Variants in RBFOX3 observed in about 807,000 individuals in gnomAD.
RBFOX3 encodes RNA binding protein fox-1 homolog 3.
RBFOX3 carries 17 observed loss-of-function variants against 48.7 expected under a neutral mutation model. The observed-to-expected ratio is 0.35, with a 90% CI of 0.24 to 0.52. The LOEUF (loss-of-function observed/expected upper bound fraction) is 0.52, where lower values mean the gene tolerates loss of function less well. Ranked by LOEUF, RBFOX3 falls within the 20% of genes least tolerant of loss-of-function variation. The pLI is 0.94. For missense variants in RBFOX3, 382 were observed against 497.5 expected (o/e 0.77, Z 2.21); for synonymous variants, 212 against 209.5 (o/e 1.01, Z -0.10).
chr17:79,459,072 C>T (rs1184391289), intron 2 of RBFOX3, among the ~76,000 whole-genome samples: 5 of 152,218 alleles, frequency 3.3e-5, no homozygotes, highest in African/African-American at 1.2e-4. Flanking sequence ...CCAGACCTGA[C>T]CAGCTCTGCA....
chr17:79,401,244 G>A (rs1413363302), intron 2 of RBFOX3, among the ~76,000 whole-genome samples: 4 of 152,198 alleles, frequency 2.6e-5, no homozygotes, highest in South Asian at 2.1e-4. Context: ...CCAGCTTCTC[G>A]GAAAGGAGCC....
chr17:79,452,460 G>A (rs1184193812), intron 2 of RBFOX3, among the ~76,000 whole-genome samples: 3 of 152,218 alleles, frequency 2.0e-5, no homozygotes, highest in African/African-American at 7.2e-5. Context: ...AGACATGGAC[G>A]TGGTTTATGA....
chr17:79,579,010 A>G lies in RBFOX3; in HGVS notation c.-320+31816T>C, dbSNP rs1006593560. On this transcript the variant is annotated intron_variant, in intron 1 of 14. Coordinates refer to ENST00000693108, the MANE Select transcript of RBFOX3 (RefSeq NM_001350451.2). ...TTCAGACTCAGCCTCCTGCCCCCTC[A>G]ACGTCCTGAGCATCGTGCTTGGTCC... Among the ~76,000 whole-genome samples the G allele has an allele frequency of 8.4e-4, 128 of 152,238 alleles. 1 individual carries two copies. The highest frequency in any genetic ancestry group is 5.4e-3 in the Admixed American group (83 of 15,302).
At chr17:79,451,143 C>G (rs782722110) in intron 2 of RBFOX3, among the ~76,000 whole-genome samples, 1 of 151,754 alleles carries the variant, frequency 6.6e-6, no homozygotes, top group Non-Finnish European at 1.5e-5. Flanking sequence ...AATTTGCTAT[C>G]GAAAGGCACA....
chr17:79,536,298 T>C lies in RBFOX3; in HGVS notation c.-319-53700A>G, dbSNP rs183055923. Among the ~76,000 whole-genome samples the C allele has an allele frequency of 1.4e-3, 218 of 152,290 alleles. 3 individuals are homozygous for C. In the Middle Eastern group the frequency reaches 0.024, roughly 17 times the overall value. Reference sequence around the variant, plus strand: ...TCACCATGTGGGCCAGGCTGAACTTTTGACCTCAAATGATCCACCTGCCTC... The same window carrying C: ...TCACCATGTGGGCCAGGCTGAACTTCTGACCTCAAATGATCCACCTGCCTC... On this transcript the variant is annotated intron_variant, in intron 1 of 14. Coordinates refer to ENST00000693108, the MANE Select transcript of RBFOX3 (RefSeq NM_001350451.2).
intron 3 of RBFOX3, among the ~76,000 whole-genome samples, chr17:79,302,998 G>A (rs1214086892): frequency 6.6e-6 from 1 of 152,172 alleles, no homozygotes; most frequent in African/African-American, 2.4e-5. Flanking sequence ...GAGCCCGGGA[G>A]TTTGAGGCTG....
chr17:79,430,287 A>AATAAATAT (rs1282383443), intron 2 of RBFOX3, among the ~76,000 whole-genome samples: 1 of 151,298 alleles, frequency 6.6e-6, no homozygotes, highest in Non-Finnish European at 1.5e-5. Flanking sequence ...TAAATAAATA[A>AATAAATAT]ATAAATAAAT....
chr17:79,269,311 A>T (rs926550344), intron 3 of RBFOX3, among the ~76,000 whole-genome samples: 1 of 152,128 alleles, frequency 6.6e-6, no homozygotes, highest in Admixed American at 6.5e-5. Flanking sequence ...TGGCCTCCAG[A>T]ACTGGGAGAG....
At chr17:79,284,597 T>C (rs538826532) in intron 3 of RBFOX3, among the ~76,000 whole-genome samples, 1 of 146,866 alleles carries the variant, frequency 6.8e-6, no homozygotes, top group South Asian at 2.2e-4. Flanking sequence ...TAGAGTGTAG[T>C]GGCTTGATCT....
intron 4 of RBFOX3, among the ~76,000 whole-genome samples, chr17:79,118,584 G>GA (rs1460407682): frequency 6.6e-6 from 1 of 152,158 alleles, no homozygotes; most frequent in African/African-American, 2.4e-5. Flanking sequence ...ACACAGGGGA[G>GA]ATGAATTTGC....
intron 4 of RBFOX3, among the ~76,000 whole-genome samples, chr17:79,126,044 C>T (rs1298201924): frequency 6.6e-6 from 1 of 152,236 alleles, no homozygotes; most frequent in Admixed American, 6.5e-5. Flanking sequence ...GTGGATGTCA[C>T]AAGCTGAGTT....
At chr17:79,295,389 A>G (rs1452504623) in intron 3 of RBFOX3, among the ~76,000 whole-genome samples, 1 of 152,184 alleles carries the variant, frequency 6.6e-6, no homozygotes, top group Non-Finnish European at 1.5e-5. Flanking sequence ...GGAGGAAAAA[A>G]TTAATGCACA....
intron 2 of RBFOX3, among the ~76,000 whole-genome samples, chr17:79,320,571 C>T (rs2078364330): frequency 6.6e-6 from 1 of 152,224 alleles, no homozygotes; most frequent in South Asian, 2.1e-4. Context: ...CCATATCTAA[C>T]CAGCTCTACT....
the RBFOX3 span, among the ~76,000 whole-genome samples, chr17:79,622,516 A>G: frequency 1.3e-5 from 2 of 152,160 alleles, no homozygotes; most frequent in African/African-American, 4.8e-5. Flanking sequence ...TGTGGATGTA[A>G]ACATTCATTC....
At position 79,317,159 on chromosome 17, in the gene RBFOX3, C is replaced by T. The variant is rs576141443; in HGVS notation, c.-174-9335G>A. ...CCCCCCTCATTCAGACAAAGAGGTG[C>T]AGGCTCCAATTGCCACTTTCTCAAG... On this transcript the variant is annotated intron_variant, in intron 2 of 14. Coordinates refer to ENST00000693108, the MANE Select transcript of RBFOX3 (RefSeq NM_001350451.2). Among the ~76,000 whole-genome samples the T allele has an allele frequency of 9.2e-5, 14 of 152,272 alleles. No individual in the cohort carries two copies. In the Middle Eastern group the frequency reaches 0.01, roughly 111 times the overall value.
At chr17:79,622,694 AG>A in the RBFOX3 span, among the ~76,000 whole-genome samples, 1 of 152,154 alleles carries the variant, frequency 6.6e-6, no homozygotes, top group Non-Finnish European at 1.5e-5. Flanking sequence ...GACACCAGTC[AG>A]GTTGGATTGG....
chr17:79,664,694 A>G, the RBFOX3 span, among the ~76,000 whole-genome samples: 4 of 152,044 alleles, frequency 2.6e-5, no homozygotes, highest in African/African-American at 7.3e-5. Context: ...TTACCTGGCC[A>G]TTGTTGTATA....
chr17:79,431,030 C>T (rs1028054390), intron 2 of RBFOX3, among the ~76,000 whole-genome samples: 2 of 152,178 alleles, frequency 1.3e-5, no homozygotes, highest in East Asian at 3.8e-4. Flanking sequence ...GCCAGAAGAA[C>T]AACTTCAAGT....
intron 1 of RBFOX3, among the ~76,000 whole-genome samples, chr17:79,579,624 GAGCC>G (rs2092980540): frequency 6.6e-6 from 1 of 152,072 alleles, no homozygotes. Flanking sequence ...GACAGGCTGG[GAGCC>G]ATCAGGAGAT....
Sources: allele counts gnomAD v4.1 joint callset (sites outside exome capture counted in the v4.1 genomes callset), GRCh38; gene constraint gnomAD v4.1.1; transcripts MANE v1.5; gene names NCBI Gene and HGNC (gene_info 2026-07-23, HGNC 2026-07-21).